SYNE1: variants seen among roughly 807,000 people sequenced by gnomAD.
SYNE1 encodes spectrin repeat containing nuclear envelope protein 1, also known as nesprin-1.
Under a neutral mutation model 1,111.0 loss-of-function variants are expected in SYNE1, and 616 were observed. The ratio of observed to expected loss-of-function variants is 0.55; its 90% CI spans 0.52 to 0.59. The LOEUF (loss-of-function observed/expected upper bound fraction) is 0.59. SYNE1 is among the 20% of genes least tolerant of loss of function. The pLI is 0.00. For missense variants in SYNE1, 10,006 were observed against 10,417.0 expected (o/e 0.96, Z 1.72); for synonymous variants, 3,855 against 3,825.8 (o/e 1.01, Z -0.28).
intron 62 of SYNE1, 94 bp from the exon 63 acceptor site, chr6:152,365,113 T>A: frequency 6.6e-7 from 1 of 1,510,518 alleles, no homozygotes; most frequent in Non-Finnish European, 9.1e-7. Flanking sequence ...CAGAATAATA[T>A]GCAATTGTGC....
At chr6:152,152,226 G>C (rs1207944667) in intron 133 of SYNE1, 85 bp from the exon 134 acceptor site, 9 of 1,200,072 alleles carry the variant, frequency 7.5e-6, no homozygotes, top group Non-Finnish European at 1.1e-5. Context: ...TGTAGCGTCT[G>C]GGAGAATGGG....
At position 152,149,556 on chromosome 6, in the gene SYNE1, T is replaced by C. The variant is rs1461544836; in HGVS notation, c.24563A>G (p.Glu8188Gly). 6.2e-7 allele frequency: 1 copy of C among 1,614,168 alleles called. No individual in the cohort carries two copies. The highest frequency in any genetic ancestry group is 1.7e-5 in the Admixed American group (1 of 60,022). The change falls in exon 136 of 146, where the codon GAA becomes GGA. Residue 8188 changes from glutamate to glycine, a missense_variant. Coordinates refer to ENST00000367255, the MANE Select transcript of SYNE1 (RefSeq NM_182961.4). ...GCAGTACCGTCGGAGCTCATCTAGT[T>C]CCTCCTCGATGATCGCTGCATCCAA... ...EPLDAAIIEEELDELRRYCQE... is the reference protein window; with the variant it reads ...EPLDAAIIEEGLDELRRYCQE...
intron 115 of SYNE1, among the ~76,000 whole-genome samples, chr6:152,229,755 T>C (rs2082340569): frequency 6.6e-6 from 1 of 152,126 alleles, no homozygotes; most frequent in Non-Finnish European, 1.5e-5. Flanking sequence ...TCAAAAGATT[T>C]AAGAGATCTA....
chr6:152,524,757 G>C (rs1057014717), intron 5 of SYNE1, among the ~76,000 whole-genome samples: 27 of 152,018 alleles, frequency 1.8e-4, no homozygotes, highest in African/African-American at 5.3e-4. Context: ...TGCTATTGAG[G>C]GTTACTGCTA....
intron 22 of SYNE1, among the ~76,000 whole-genome samples, chr6:152,457,426 T>C (rs553051970): frequency 6.6e-6 from 1 of 152,332 alleles, no homozygotes; most frequent in East Asian, 1.9e-4. Context: ...TGTCAATTAA[T>C]GCAGTGGCAA....
chr6:152,413,866 T>C (rs1206417209), intron 41 of SYNE1, among the ~76,000 whole-genome samples: 1 of 152,116 alleles, frequency 6.6e-6, no homozygotes. Context: ...TAAATACTTA[T>C]TGTAAAATCT....
chr6:152,483,012 G>C, intron 14 of SYNE1, 73 bp downstream of exon 14: 1 of 1,563,308 alleles, frequency 6.4e-7, no homozygotes, highest in East Asian at 2.2e-5. Context: ...GCCAGAGCAG[G>C]TTGTAACTAG....
rs1031549216 is a variant in SYNE1 at position 152,239,817 on chromosome 6, G to A, written c.19894-111C>T. Reference sequence around the variant, plus strand: ...CTCACGCCTGTAATCCCAACAGTTGGGGAGGCTGAAGTGGGTGGATTACCT... The same window carrying A: ...CTCACGCCTGTAATCCCAACAGTTGAGGAGGCTGAAGTGGGTGGATTACCT... On this transcript the variant is annotated intron_variant, in intron 107 of 145. Transcript: ENST00000367255. 17 of 1,194,332 alleles carry A rather than the reference G, an allele frequency of 1.4e-5. No individual in the cohort carries two copies. In the South Asian group the frequency reaches 2.0e-4, roughly 14 times the overall value. The allele number at this position is 1,194,332 out of a possible 1,614,324, so 74.0% of individuals were successfully genotyped here.
At position 152,379,778 on chromosome 6, in the gene SYNE1, T is replaced by A. The variant is rs546935957; in HGVS notation, c.9009+1228A>T. On this transcript the variant is annotated intron_variant, in intron 56 of 145. Transcript: ENST00000367255. Reference sequence around the variant, plus strand: ...CCATATTTACTACTGCATTCTCATGTATATTTTTATAGGCCTCAACCATTA... The same window carrying A: ...CCATATTTACTACTGCATTCTCATGAATATTTTTATAGGCCTCAACCATTA... Among the ~76,000 whole-genome samples, 12 of 152,344 alleles carry A rather than the reference T, an allele frequency of 7.9e-5. No homozygotes were observed. In the South Asian group the frequency reaches 2.5e-3, roughly 32 times the overall value.
In SYNE1 at chr6:152,262,181, G is replaced by T. The variant is rs764155010; in HGVS notation, c.18823C>A (p.Pro6275Thr). The change falls in exon 101 of 146, where the codon CCT (proline) becomes ACT (threonine). Residue 6275 changes from proline (P) to threonine (T), a missense_variant. Coordinates refer to ENST00000367255, the MANE Select transcript of SYNE1 (RefSeq NM_182961.4). The stretch of plus-strand genomic sequence containing the variant: ...CCCAACTCCTGGGATAACACATCAG[G>T]TTTTTCGCTATTAGAAGAATAAATA... ...AETSGDAGEK[P>T]DVLSQELGME... 1 of 1,613,412 alleles carries T rather than the reference G, an allele frequency of 6.2e-7. No homozygotes were observed. Among genetic ancestry groups the T allele is most frequent in the African/African-American group, 1.3e-5 (1 of 74,822 alleles).
intron 56 of SYNE1, among the ~76,000 whole-genome samples, chr6:152,378,803 T>C (rs2097341523): frequency 1.3e-5 from 2 of 152,198 alleles, no homozygotes; most frequent in Non-Finnish European, 2.9e-5. Flanking sequence ...TTGCAGACAT[T>C]CATCACAAGG....
intron 74 of SYNE1, among the ~76,000 whole-genome samples, chr6:152,341,792 T>C (rs6907303): frequency 0.66 from 100,491 of 151,990 alleles, 33,774 homozygotes; most frequent in Non-Finnish European, 0.72. Context: ...GGAAGTTGTA[T>C]AATGAAACAA....
chr6:152,168,220 A>C (rs1367310285), intron 130 of SYNE1: 7 of 756,698 alleles, frequency 9.3e-6, no homozygotes, highest in Non-Finnish European at 1.7e-5. Flanking sequence ...TTCCACTTGC[A>C]AAAGTTAGAC....
At chr6:152,535,978 G>C (rs2099233847) in intron 4 of SYNE1, among the ~76,000 whole-genome samples, 1 of 152,012 alleles carries the variant, frequency 6.6e-6, no homozygotes, top group Admixed American at 6.6e-5. Flanking sequence ...TGGTCATTAG[G>C]TGAGAATTCC....
chr6:152,402,194 C>T (rs1443601690), intron 46 of SYNE1, among the ~76,000 whole-genome samples: 1 of 151,882 alleles, frequency 6.6e-6, no homozygotes, highest in Non-Finnish European at 1.5e-5. Flanking sequence ...CAAGGTTTAG[C>T]ATTCATTCCT....
intron 4 of SYNE1, among the ~76,000 whole-genome samples, chr6:152,531,416 A>G (rs1464454791): frequency 6.6e-6 from 1 of 152,212 alleles, no homozygotes; most frequent in Non-Finnish European, 1.5e-5. Flanking sequence ...GATCAGGTTC[A>G]GTACTGTCTG....
chr6:152,425,501 A>G lies in SYNE1; in HGVS notation c.5147T>C (p.Leu1716Pro). The change falls in exon 39 of 146, where the codon CTT (leucine) becomes CCT (proline). Residue 1716 changes from leucine (L) to proline (P), a missense_variant. By Grantham distance (98) the Leu-to-Pro change is moderately conservative (BLOSUM62 -3). Coordinates refer to ENST00000367255, the MANE Select transcript of SYNE1 (RefSeq NM_182961.4). The part of the protein sequence containing the change: ...VVSQASFYSK[L>P]LQLKESLFSV... ...GAACAATGATTCCTTCAATTGCAAA[A>G]GTTTGCTATAGAATGAGGCCTGGGA... is the stretch of plus-strand genomic sequence containing the variant. 6.2e-7 allele frequency: 1 copy of G among 1,614,186 alleles called. No homozygotes were observed. Among genetic ancestry groups the G allele is most frequent in the Non-Finnish European group, 8.5e-7 (1 of 1,180,026 alleles).
Position 152,455,925 on chromosome 6 carries a change from C to G in SYNE1, c.2688G>C (p.Arg896Ser). 3.1e-6 allele frequency: 5 copies of G among 1,614,086 alleles called. No individual in the cohort carries two copies. Among genetic ancestry groups the G allele is most frequent in the African/African-American group, 2.7e-5 (2 of 75,050 alleles). The part of the protein sequence containing the change: ...SNVLKHFDQT[R>S]LQRQIADIHV... ...GAATATCTGCAATCTGTCTTTGTAG[C>G]CTCGTCTGATCAAAATGCTTTAACA... is the stretch of plus-strand genomic sequence containing the variant. The change falls in exon 23 of 146, where the codon AGG becomes AGC. Residue 896 changes from arginine (R) to serine (S), a missense_variant. Transcript: ENST00000367255.
intron 3 of SYNE1, among the ~76,000 whole-genome samples, chr6:152,606,348 C>T (rs910856792): frequency 6.6e-5 from 10 of 152,268 alleles, no homozygotes; most frequent in Non-Finnish European, 1.0e-4. Context: ...TCCACTGCCC[C>T]CTGTCCAGAG....
Sources: gnomAD v4.1 joint callset for allele counts (sites outside exome capture counted in the v4.1 genomes callset) on GRCh38, gnomAD v4.1.1 for gene constraint, MANE v1.5 for transcripts, NCBI Gene and HGNC (gene_info 2026-07-23, HGNC 2026-07-21) for gene names.